The following ANTXRL variants were observed in gnomAD, a reference collection of about 807,000 sequenced individuals.
ANTXRL encodes the protein ANTXR like.
ANTXRL carries 63 observed loss-of-function variants against 75.4 expected under a neutral mutation model. The observed-to-expected ratio is 0.84, with a 90% CI of 0.68 to 1.03. The LOEUF is 1.03. ANTXRL is among the 50% of genes least tolerant of loss of function. The pLI is 0.00. For missense variants in ANTXRL, 797 were observed against 789.4 expected (o/e 1.01, Z -0.12); for synonymous variants, 335 against 291.3 (o/e 1.15, Z -1.53).
chr10:46,324,474 C>T (rs1055338701), intron 16 of ANTXRL, among the ~76,000 whole-genome samples: 1 of 152,128 alleles, frequency 6.6e-6, no homozygotes, highest in East Asian at 1.9e-4. Flanking sequence ...AAATCTTCAA[C>T]CTCATCCATT....
At chr10:46,321,285 G>T (rs141116331) in intron 16 of ANTXRL, among the ~76,000 whole-genome samples, 3 of 152,208 alleles carry the variant, frequency 2.0e-5, no homozygotes, top group African/African-American at 7.2e-5. Flanking sequence ...AGGACAGCAG[G>T]AGATGAGGGG....
chr10:46,297,443 C>T lies in ANTXRL; in HGVS notation c.623C>T (p.Thr208Ile), dbSNP rs1554959141. 2.6e-6 allele frequency: 4 copies of T among 1,535,768 alleles called. No homozygotes were observed. Among genetic ancestry groups the T allele is most frequent in the African/African-American group, 1.4e-5 (1 of 72,990 alleles). ...CGGAAACTGGGGGCCAACGTTTACA[C>T]CCTGGGTGTGGCTGATTATAATCTG... is the stretch of plus-strand genomic sequence containing the variant. ...KARKLGANVY[T>I]LGVADYNLDQ... The change falls in exon 7 of 17, where the codon ACC (threonine) becomes ATC (isoleucine). Residue 208 changes from threonine to isoleucine, a missense_variant. By Grantham distance (89) the Thr-to-Ile change is moderately conservative (BLOSUM62 -1). This residue lies in a region of ANTXRL where 262 missense variants were observed against 271.9 expected (regional missense o/e 0.96). Coordinates refer to ENST00000620264, the MANE Select transcript of ANTXRL (RefSeq NM_001278688.3).
intron 15 of ANTXRL, among the ~76,000 whole-genome samples, chr10:46,312,271 C>A (rs1245277786): frequency 6.6e-6 from 1 of 150,722 alleles, no homozygotes; most frequent in African/African-American, 2.4e-5. Context: ...CCTGAAAGCG[C>A]CCTCACAAGA....
rs1278489441 is a variant in ANTXRL at position 46,311,446 on chromosome 10, C to G, written c.1174-64C>G. 2.8e-6 allele frequency: 4 copies of G among 1,447,664 alleles called. No individual in the cohort carries two copies. In the East Asian group the frequency reaches 1.0e-4, roughly 38 times the overall value. 89.7% of individuals were successfully genotyped at this position (1,447,664 alleles called of 1,614,324 possible). A position where few individuals can be genotyped will look rare whatever the true frequency, so the allele number is the denominator to read the frequency against. ...GTCCTTTCATTCCCCAGACACACATCTGGGAGTGGCCAGCACTGTGCCCTG... is the reference window on the plus strand; with the variant it reads ...GTCCTTTCATTCCCCAGACACACATGTGGGAGTGGCCAGCACTGTGCCCTG... On this transcript the variant is annotated intron_variant, in intron 14 of 16. Transcript: ENST00000620264.
chr10:46,313,373 A>G, intron 16 of ANTXRL, 57 bp downstream of exon 16: 2 of 1,479,910 alleles, frequency 1.4e-6, no homozygotes, highest in Middle Eastern at 3.4e-4. Context: ...TTTTCCCCTG[A>G]CCACTGTCCT....
intron 16 of ANTXRL, among the ~76,000 whole-genome samples, chr10:46,327,761 C>T (rs72790497): frequency 6.6e-6 from 1 of 152,104 alleles, no homozygotes; most frequent in African/African-American, 2.4e-5. Flanking sequence ...AGGAATGGAG[C>T]GTTTCCTTGG....
At chr10:46,306,931 C>T in intron 11 of ANTXRL, 59 bp downstream of exon 11, 2 of 1,400,482 alleles carry the variant, frequency 1.4e-6, no homozygotes, top group African/African-American at 1.5e-5. Flanking sequence ...GGTTGGGCAC[C>T]TTGAGGTGTA....
chr10:46,316,932 G>A (rs1312360739), intron 16 of ANTXRL, among the ~76,000 whole-genome samples: 2 of 152,114 alleles, frequency 1.3e-5, no homozygotes, highest in Non-Finnish European at 2.9e-5. Flanking sequence ...GTGTCTCTAT[G>A]GGTGCTGTGT....
chr10:46,298,063 G>A lies in ANTXRL; in HGVS notation c.796+1G>A. The A allele has an allele frequency of 6.5e-7, 1 of 1,535,452 alleles. No individual in the cohort carries two copies. The highest frequency in any genetic ancestry group is 1.2e-5 in the South Asian group (1 of 84,022). ...GAGCCTTCCTCTGAGTGTGTAGGAG[G>A]TGAGAGCTGCGGAGGCCCTGGGGTA... On this transcript the variant is annotated splice_donor_variant, in intron 9 of 16. Coordinates refer to ENST00000620264, the MANE Select transcript of ANTXRL (RefSeq NM_001278688.3). LOFTEE classifies it high-confidence loss of function.
At chr10:46,306,674 C>T in intron 10 of ANTXRL, 129 bp from the exon 11 acceptor site, 1 of 724,154 alleles carries the variant, frequency 1.4e-6, no homozygotes, top group Non-Finnish European at 2.2e-6. Context: ...GGGGTCTGTG[C>T]AATAGGAAGG....
chr10:46,315,754 G>C (rs1211687037), intron 16 of ANTXRL, among the ~76,000 whole-genome samples: 2 of 152,162 alleles, frequency 1.3e-5, no homozygotes, highest in African/African-American at 2.4e-5. Flanking sequence ...ACCTTGTTTA[G>C]TTTATTGTTT....
intron 10 of ANTXRL, among the ~76,000 whole-genome samples, chr10:46,304,491 C>T (rs1304495989): frequency 6.6e-6 from 1 of 152,018 alleles, no homozygotes; most frequent in Admixed American, 6.6e-5. Flanking sequence ...AGTTCTTGGG[C>T]ACATGTTCCT....
At chr10:46,327,779 A>G (rs1839296882) in intron 16 of ANTXRL, among the ~76,000 whole-genome samples, 1 of 152,108 alleles carries the variant, frequency 6.6e-6, no homozygotes, top group Non-Finnish European at 1.5e-5. Context: ...TGGGACCATC[A>G]GGCTGAGACT....
intron 13 of ANTXRL, among the ~76,000 whole-genome samples, chr10:46,309,603 C>G (rs1399424962): frequency 6.6e-6 from 1 of 152,228 alleles, no homozygotes; most frequent in Non-Finnish European, 1.5e-5. Flanking sequence ...CCCCATGAGG[C>G]CCTGCTGGCC....
chr10:46,327,491 C>A (rs1839280165), intron 16 of ANTXRL, among the ~76,000 whole-genome samples: 1 of 152,000 alleles, frequency 6.6e-6, no homozygotes. Flanking sequence ...ACACAGGTGG[C>A]TCAGGACAGG....
At chr10:46,315,251 G>A (rs1347970243) in intron 16 of ANTXRL, among the ~76,000 whole-genome samples, 1 of 152,228 alleles carries the variant, frequency 6.6e-6, no homozygotes, top group Non-Finnish European at 1.5e-5. Flanking sequence ...AGAGACACTG[G>A]GAATGTGACC....
chr10:46,313,345 T>C (rs1838541614), intron 16 of ANTXRL, 29 bp downstream of exon 16: 3 of 1,530,240 alleles, frequency 2.0e-6, no homozygotes, highest in South Asian at 1.2e-5. Flanking sequence ...ACACAGTTGA[T>C]GGACAAAAGG....
chr10:46,293,574 C>CCTGTGTGTGT (rs369881470), intron 2 of ANTXRL, among the ~76,000 whole-genome samples: 16 of 144,780 alleles, frequency 1.1e-4, no homozygotes, highest in East Asian at 4.1e-4. Context: ...CCTGTGTGTG[C>CCTGTGTGTGT]GCGTGTGTGT....
At chr10:46,325,290 C>G (rs566319015) in intron 16 of ANTXRL, among the ~76,000 whole-genome samples, 1 of 152,272 alleles carries the variant, frequency 6.6e-6, no homozygotes, top group South Asian at 2.1e-4. Flanking sequence ...AATCTCCTTT[C>G]CCAGTGTCCT....
Sources: gnomAD v4.1 joint callset for allele counts (sites outside exome capture counted in the v4.1 genomes callset) on GRCh38, gnomAD v4.1.1 for gene constraint, gnomAD v4.1.1 regional missense constraint, MANE v1.5 for transcripts, NCBI Gene and HGNC (gene_info 2026-07-23, HGNC 2026-07-21) for gene names.